The following CSMD1 variants were observed in gnomAD, a reference collection of about 807,000 sequenced individuals.
CSMD1 encodes the protein CUB and Sushi multiple domains 1, also known as CUB and sushi domain-containing protein 1.
In CSMD1, 213 loss-of-function variants were observed where a neutral mutation model predicts 417.5. That is an observed-to-expected ratio of 0.51 (90% CI 0.46 to 0.57). CSMD1 has a LOEUF of 0.57. Among genes scored for constraint, CSMD1 ranks in the 20% least tolerant of loss-of-function variants. CSMD1 has a pLI of 0.00. For missense variants in CSMD1, 6,923 were observed against 4,529.7 expected, an observed-to-expected ratio of 1.53 and a Z score of -15.17; for synonymous variants, 2,862 against 1,736.8, an observed-to-expected ratio of 1.65 and a Z score of -16.11.
At chr8:3,030,199 G>A (rs1810251790) in intron 50 of CSMD1, among the ~76,000 whole-genome samples, 1 of 151,924 alleles carries the variant, frequency 6.6e-6, no homozygotes, top group Admixed American at 6.6e-5. Context: ...TTACCAGGGT[G>A]GACTTCAAGG....
At chr8:3,316,688 C>T (rs754754518) in intron 23 of CSMD1, among the ~76,000 whole-genome samples, 85 of 151,858 alleles carry the variant, frequency 5.6e-4, no homozygotes, top group Non-Finnish European at 8.2e-4. Context: ...AAACGTGTGG[C>T]GGTTGTGATG....
chr8:3,842,785 C>A (rs1041322168), intron 5 of CSMD1, among the ~76,000 whole-genome samples: 1 of 152,086 alleles, frequency 6.6e-6, no homozygotes, highest in African/African-American at 2.4e-5. Flanking sequence ...TCAAAACTGT[C>A]TTTTAAAAAG....
At chr8:3,341,113 G>C (rs766166762) in intron 23 of CSMD1, among the ~76,000 whole-genome samples, 1 of 152,174 alleles carries the variant, frequency 6.6e-6, no homozygotes, top group Non-Finnish European at 1.5e-5. Context: ...GCTGGATGCC[G>C]GGGAGCAATA....
chr8:3,881,508 G>C (rs1239699668), intron 5 of CSMD1, among the ~76,000 whole-genome samples: 3 of 150,292 alleles, frequency 2.0e-5, no homozygotes, highest in South Asian at 2.1e-4. Flanking sequence ...GTAGTGGTGG[G>C]TGCCTGTAAT....
chr8:4,186,357 C>T, intron 3 of CSMD1, among the ~76,000 whole-genome samples: 1 of 152,128 alleles, frequency 6.6e-6, no homozygotes, highest in East Asian at 1.9e-4. Context: ...GGGCTGATTC[C>T]TATCTTCGTG....
At chr8:3,937,735 G>A (rs1810603031) in intron 5 of CSMD1, among the ~76,000 whole-genome samples, 1 of 151,976 alleles carries the variant, frequency 6.6e-6, no homozygotes, top group Non-Finnish European at 1.5e-5. Flanking sequence ...TAGTACACCA[G>A]GTACGATATT....
At chr8:4,359,330 A>T (rs1801618054) in intron 3 of CSMD1, among the ~76,000 whole-genome samples, 1 of 152,230 alleles carries the variant, frequency 6.6e-6, no homozygotes. Context: ...GGGGCCAAAT[A>T]GGTACAACAT....
At chr8:3,644,132 T>C (rs780689900) in intron 7 of CSMD1, among the ~76,000 whole-genome samples, 4 of 152,178 alleles carry the variant, frequency 2.6e-5, no homozygotes, top group Non-Finnish European at 4.4e-5. Context: ...GAAGTTGTTA[T>C]CAATGCAAAT....
intron 36 of CSMD1, among the ~76,000 whole-genome samples, chr8:3,182,434 C>T (rs920911621): frequency 2.6e-5 from 4 of 152,056 alleles, no homozygotes; most frequent in Non-Finnish European, 4.4e-5. Context: ...AGGCTGGTCT[C>T]GAACTCCTGA....
chr8:2,987,317 G>C (rs1806006205), intron 54 of CSMD1, among the ~76,000 whole-genome samples: 1 of 150,928 alleles, frequency 6.6e-6, no homozygotes, highest in Admixed American at 6.6e-5. Context: ...TTATAAAAGA[G>C]TCCATAGGAA....
intron 3 of CSMD1, among the ~76,000 whole-genome samples, chr8:4,241,869 G>C (rs984543030): frequency 6.6e-6 from 1 of 152,126 alleles, no homozygotes; most frequent in Non-Finnish European, 1.5e-5. Context: ...CAAAAAAAGA[G>C]AGAAAGATGG....
chr8:4,414,382 G>C (rs1236180053), intron 3 of CSMD1, among the ~76,000 whole-genome samples: 1 of 152,054 alleles, frequency 6.6e-6, no homozygotes, highest in Non-Finnish European at 1.5e-5. Flanking sequence ...GAAAATTCAA[G>C]GACTGTATAG....
chr8:3,925,262 T>A (rs1198450060), intron 5 of CSMD1, among the ~76,000 whole-genome samples: 1 of 152,234 alleles, frequency 6.6e-6, no homozygotes, highest in East Asian at 1.9e-4. Flanking sequence ...ATTTGGGGAA[T>A]GTGCTTCAGC....
intron 2 of CSMD1, among the ~76,000 whole-genome samples, chr8:4,441,932 C>G (rs546683638): frequency 6.6e-6 from 1 of 152,308 alleles, no homozygotes; most frequent in South Asian, 2.1e-4. Context: ...CAGCTTCTTA[C>G]ATAACCATTG....
At chr8:4,139,102 T>C (rs1327757156) in intron 3 of CSMD1, among the ~76,000 whole-genome samples, 1 of 152,130 alleles carries the variant, frequency 6.6e-6, no homozygotes, top group African/African-American at 2.4e-5. Flanking sequence ...ACAACACAGC[T>C]ACACATGAAG....
At chr8:4,193,924 G>C (rs2131224941) in intron 3 of CSMD1, among the ~76,000 whole-genome samples, 1 of 151,908 alleles carries the variant, frequency 6.6e-6, no homozygotes, top group South Asian at 2.1e-4. Flanking sequence ...AAAGTACAAT[G>C]TTTAATGGTG....
intron 3 of CSMD1, among the ~76,000 whole-genome samples, chr8:4,138,030 A>G (rs986832718): frequency 8.0e-6 from 1 of 125,134 alleles, no homozygotes; most frequent in Non-Finnish European, 1.6e-5. Context: ...GGCGCCCGCC[A>G]CCATGCCCGG....
chr8:3,156,256 A>T lies in CSMD1; in HGVS notation c.5914+1641T>A, dbSNP rs547424503. Among the ~76,000 whole-genome samples the T allele has an allele frequency of 7.9e-4, 121 of 152,222 alleles. 2 individuals are homozygous for T. Among genetic ancestry groups the T allele is most frequent in the African/African-American group, 2.8e-3 (116 of 41,524 alleles). On this transcript the variant is annotated intron_variant, in intron 39 of 69. Transcript: ENST00000635120. The stretch of plus-strand genomic sequence containing the variant: ...CTGGACATAAATGGGTTCTGAGCAC[A>T]CCCCCAGCAATACTTGAGTGTTCGA...
chr8:4,103,726 C>A (rs564100163), intron 3 of CSMD1, among the ~76,000 whole-genome samples: 3 of 152,138 alleles, frequency 2.0e-5, no homozygotes, highest in South Asian at 2.1e-4. Flanking sequence ...GTTCCTTTAT[C>A]CAAGACTTGA....
Sources: allele counts gnomAD v4.1 joint callset (sites outside exome capture counted in the v4.1 genomes callset), GRCh38; gene constraint gnomAD v4.1.1; transcripts MANE v1.5; gene names NCBI Gene and HGNC (gene_info 2026-07-23, HGNC 2026-07-21).